TMEM9: variants seen among roughly 807,000 people sequenced by gnomAD.
TMEM9 encodes the protein proton-transporting V-type ATPase complex assembly regulator TMEM9.
TMEM9 carries 13 observed loss-of-function variants against 22.8 expected under a neutral mutation model. The observed-to-expected ratio is 0.57, with a 90% CI of 0.37 to 0.91. TMEM9 has a LOEUF of 0.91. Among genes scored for constraint, TMEM9 ranks in the 40% least tolerant of loss-of-function variants. The pLI, the probability that TMEM9 is intolerant of heterozygous loss-of-function variation, is 0.01. For missense variants in TMEM9, 182 were observed against 238.1 expected (o/e 0.76, Z 1.55); for synonymous variants, 88 against 93.0 (o/e 0.95, Z 0.31).
At chr1:201,155,721 T>C (rs1665771941), upstream of TMEM9, among the ~76,000 whole-genome samples, 1 of 152,200 alleles carries the variant, frequency 6.6e-6, no homozygotes, top group African/African-American at 2.4e-5. Flanking sequence ...ATTTGGGTGG[T>C]TTCCTTTAGG....
chr1:201,160,883 C>T (rs565771218), intron 1 of TMEM9, among the ~76,000 whole-genome samples: 31 of 151,340 alleles, frequency 2.0e-4, no homozygotes, highest in African/African-American at 7.0e-4. Flanking sequence ...TTGCAGTGAG[C>T]CGAGATCATG....
chr1:201,146,714 C>T (rs1665007968), intron 3 of TMEM9, 26 bp downstream of exon 3: 1 of 1,600,788 alleles, frequency 6.2e-7, no homozygotes, highest in East Asian at 2.2e-5. Context: ...GGGAATCCCA[C>T]TGGCTTCCTG....
At chr1:201,145,341 G>C (rs1272852770) in intron 3 of TMEM9, 1 of 152,624 alleles carries the variant, frequency 6.6e-6, no homozygotes, top group African/African-American at 2.4e-5. Flanking sequence ...GCCCACTGGA[G>C]CAAGTTCAGA....
In TMEM9 at chr1:201,154,099, C is replaced by A. The variant is rs1255674985; in HGVS notation, c.-176G>T. 9.7e-6 allele frequency: 7 copies of A among 719,984 alleles called. No homozygotes were observed. 44.6% of individuals were successfully genotyped at this position (719,984 alleles called of 1,614,324 possible). A position where few individuals can be genotyped will look rare whatever the true frequency, so the allele number is the denominator to read the frequency against. ...TTCCAAGGCCTGCTAAACCTGGTCG[C>A]CAAACCCTGCTTCCCTCCCGCCCAA... is the stretch of plus-strand genomic sequence containing the variant. On this transcript the variant is annotated 5_prime_UTR_variant, in exon 1 of 5. Coordinates refer to ENST00000367330, the MANE Select transcript of TMEM9 (RefSeq NM_001288565.2).
intron 1 of TMEM9, among the ~76,000 whole-genome samples, chr1:201,153,236 G>C (rs1186937464): frequency 6.6e-6 from 1 of 152,198 alleles, no homozygotes; most frequent in Admixed American, 6.5e-5. Flanking sequence ...TATGTGTAAC[G>C]TAAGAAAATA....
chr1:201,159,397 C>T (rs1665883683), upstream of TMEM9, among the ~76,000 whole-genome samples: 1 of 152,106 alleles, frequency 6.6e-6, no homozygotes, highest in African/African-American at 2.4e-5. Flanking sequence ...GCAGAGAGCG[C>T]CCTGCTGTGT....
At chr1:201,166,853 G>A (rs1666091029) in intron 1 of TMEM9, among the ~76,000 whole-genome samples, 1 of 152,152 alleles carries the variant, frequency 6.6e-6, no homozygotes, top group African/African-American at 2.4e-5. Context: ...TAGGAGCCAG[G>A]AACCCTGGTT....
intron 4 of TMEM9, among the ~76,000 whole-genome samples, chr1:201,138,669 G>A (rs1327994283): frequency 1.3e-5 from 2 of 152,234 alleles, no homozygotes; most frequent in African/African-American, 2.4e-5. Flanking sequence ...GTGCCACTAT[G>A]TGCCAGGCGC....
intron 3 of TMEM9, 67 bp downstream of exon 3, chr1:201,146,673 T>C: frequency 6.8e-7 from 1 of 1,468,148 alleles, no homozygotes; most frequent in Non-Finnish European, 9.5e-7. Flanking sequence ...ACTGTGGGTG[T>C]AGGCCAGTCT....
intron 2 of TMEM9, among the ~76,000 whole-genome samples, chr1:201,147,420 T>C (rs1665067362): frequency 6.6e-6 from 1 of 152,174 alleles, no homozygotes; most frequent in South Asian, 2.1e-4. Flanking sequence ...GAAATCATCT[T>C]TGACACTGCC....
chr1:201,140,192 A>C (rs1448543467), intron 4 of TMEM9, among the ~76,000 whole-genome samples: 1 of 152,060 alleles, frequency 6.6e-6, no homozygotes, highest in South Asian at 2.1e-4. Context: ...CTCTCTCCCA[A>C]AGGGGGCCCA....
intron 4 of TMEM9, 59 bp downstream of exon 4, chr1:201,143,761 T>C (rs1457361071): frequency 6.3e-7 from 1 of 1,590,252 alleles, no homozygotes; most frequent in African/African-American, 1.3e-5. Context: ...CTCCTCTGGG[T>C]TTTGCCCTGG....
chr1:201,146,605 T>C (rs1172767558), intron 3 of TMEM9, 135 bp downstream of exon 3: 5 of 938,462 alleles, frequency 5.3e-6, no homozygotes, highest in Non-Finnish European at 8.6e-6. Context: ...GTGTCTGCAC[T>C]AGGCCAGCCT....
intron 1 of TMEM9, among the ~76,000 whole-genome samples, chr1:201,162,358 A>G (rs1311516676): frequency 6.6e-6 from 1 of 151,702 alleles, no homozygotes; most frequent in Non-Finnish European, 1.5e-5. Flanking sequence ...GTTGATCTTG[A>G]ACTCCTGGGT....
rs77027827 is a variant in TMEM9, at chr1:201,171,159, G to A, written c.-37+331C>T. 1.8e-4 allele frequency among the ~76,000 whole-genome samples: 27 copies of A among 152,340 alleles called. No individual in the cohort carries two copies. In the East Asian group the frequency reaches 4.8e-3, roughly 27 times the overall value. On this transcript the variant is annotated intron_variant, in intron 1 of 5. Transcript: ENST00000367333. ...CCGTCCTTCCCCACCCGGGAGCCGAGCCTGGAAGGATTGCGGGGGGCGGTG... is the reference window on the plus strand; with the variant it reads ...CCGTCCTTCCCCACCCGGGAGCCGAACCTGGAAGGATTGCGGGGGGCGGTG...
chr1:201,154,235 T>C lies in TMEM9; in HGVS notation c.-312A>G, dbSNP rs1456903688. The C allele has an allele frequency of 7.2e-6, 2 of 278,200 alleles. No homozygotes were observed. Among genetic ancestry groups the C allele is most frequent in the Non-Finnish European group, 1.4e-5 (2 of 145,544 alleles). 17.2% of individuals were successfully genotyped at this position (278,200 alleles called of 1,614,324 possible). On this transcript the variant is annotated 5_prime_UTR_variant, in exon 1 of 5. The change abolishes an upstream ATG in the 5' untranslated region. Coordinates refer to ENST00000367330, the MANE Select transcript of TMEM9 (RefSeq NM_001288565.2). ...TCAAGGCCCGGCTCTGACCCGCGCA[T>C]CACGTCCCACCGCCCTCCGCCATCT...
At chr1:201,159,966 T>C (rs1665901876) in intron 1 of TMEM9, among the ~76,000 whole-genome samples, 1 of 152,266 alleles carries the variant, frequency 6.6e-6, no homozygotes, top group Admixed American at 6.5e-5. Flanking sequence ...GTATTTTTCC[T>C]GGTTCAGCTC....
At chr1:201,137,189 A>AG (rs1381766045) in intron 4 of TMEM9, among the ~76,000 whole-genome samples, 2 of 152,252 alleles carry the variant, frequency 1.3e-5, no homozygotes, top group African/African-American at 4.8e-5. Context: ...CATGTCAGGC[A>AG]GGGGGCATAC....
intron 2 of TMEM9, among the ~76,000 whole-genome samples, chr1:201,147,555 C>T (rs1034171657): frequency 1.8e-4 from 27 of 152,194 alleles, no homozygotes; most frequent in South Asian, 4.1e-4. Context: ...CTATCTTCCT[C>T]GGACAACCGC....
Sources: allele counts gnomAD v4.1 joint callset (sites outside exome capture counted in the v4.1 genomes callset), GRCh38; gene constraint gnomAD v4.1.1; transcripts MANE v1.5; gene names NCBI Gene and HGNC (gene_info 2026-07-23, HGNC 2026-07-21).